Variants in IL2RA observed in about 807,000 individuals in gnomAD.
The protein encoded by IL2RA is interleukin-2 receptor subunit alpha.
In IL2RA, 24 loss-of-function variants were observed where a neutral mutation model predicts 37.8. That is an observed-to-expected ratio of 0.63 (90% CI 0.46 to 0.89). IL2RA has a LOEUF of 0.89. Ranked by LOEUF, IL2RA falls within the 40% of genes least tolerant of loss-of-function variation. IL2RA has a pLI of 0.00. For missense variants in IL2RA, 319 were observed against 348.6 expected, an observed-to-expected ratio of 0.92 and a Z score of 0.68; for synonymous variants, 125 against 114.6, an observed-to-expected ratio of 1.09 and a Z score of -0.58.
chr10:6,043,414 A>G (rs187923797), intron 1 of IL2RA, among the ~76,000 whole-genome samples: 1 of 151,964 alleles, frequency 6.6e-6, no homozygotes, highest in Admixed American at 6.6e-5. Context: ...TATCTACAGC[A>G]TGTATTTATT....
chr10:6,039,837 C>T (rs186217630), intron 1 of IL2RA: 1 of 152,342 alleles, frequency 6.6e-6, no homozygotes, highest in African/African-American at 2.4e-5. Context: ...GCTGATATGT[C>T]CTTTTAGGCC....
Position 6,054,288 on chromosome 10 carries a change from G to A in IL2RA, c.64+7800C>T, listed in dbSNP as rs901347782. 2.0e-5 allele frequency among the ~76,000 whole-genome samples: 3 copies of A among 152,146 alleles called. No homozygotes were observed. Among genetic ancestry groups the A allele is most frequent in the Admixed American group, 6.5e-5 (1 of 15,276 alleles). On this transcript the variant is annotated intron_variant, in intron 1 of 7. Coordinates refer to ENST00000379959, the MANE Select transcript of IL2RA (RefSeq NM_000417.3). This position sits in a 1 kb window ranked among gnomAD's most constrained non-coding sequence, Gnocchi z 4.5. ...CAGCCCTGTGGTGTGCACGTGGCTC[G>A]GGCTGGGTCAGGAAAAAAATGTGGA...
At position 6,020,890 on chromosome 10, in the gene IL2RA, C is replaced by A. The variant is rs1254423315; in HGVS notation, c.583+588G>T. 6.6e-6 allele frequency among the ~76,000 whole-genome samples: 1 copy of A among 152,002 alleles called. No homozygotes were observed. The highest frequency in any genetic ancestry group is 1.5e-5 in the Non-Finnish European group (1 of 68,020). On this transcript the variant is annotated intron_variant, in intron 4 of 7. Transcript: ENST00000379959. The surrounding 1 kb of genome is among the most constrained non-coding windows in gnomAD (Gnocchi z 5.6). Reference sequence around the variant, plus strand: ...TAATAAGATTTCAGAAGGAAGACAGCAGGAGACCTCGACATCGGTGGGCTG... The same window carrying A: ...TAATAAGATTTCAGAAGGAAGACAGAAGGAGACCTCGACATCGGTGGGCTG...
chr10:6,035,821 A>T lies in IL2RA; in HGVS notation c.65-9796T>A, dbSNP rs555530210. 6.6e-6 allele frequency: 1 copy of T among 152,358 alleles called. No homozygotes were observed. The highest frequency in any genetic ancestry group is 2.1e-4 in the South Asian group (1 of 4,822). The allele number at this position is 152,358 out of a possible 1,614,324, so 9.4% of individuals were successfully genotyped here. A position where few individuals can be genotyped will look rare whatever the true frequency, so the allele number is the denominator to read the frequency against. ...CCGTTGGAGTTTGCTGTGGATGCTC[A>T]TTAGACAGACATGGGCAGAATCCCA... is the stretch of plus-strand genomic sequence containing the variant. On this transcript the variant is annotated intron_variant, in intron 1 of 7. Transcript: ENST00000379959. The surrounding 1 kb of genome is among the most constrained non-coding windows in gnomAD (Gnocchi z 5.4).
intron 1 of IL2RA, among the ~76,000 whole-genome samples, chr10:6,060,268 T>G (rs1840103287): frequency 6.6e-6 from 1 of 151,912 alleles, no homozygotes; most frequent in Non-Finnish European, 1.5e-5. Flanking sequence ...GGGGAAAGGG[T>G]GCGAGGTGGG....
intron 1 of IL2RA, among the ~76,000 whole-genome samples, chr10:6,041,423 C>T (rs1839770928): frequency 2.0e-5 from 3 of 151,862 alleles, no homozygotes; most frequent in African/African-American, 7.3e-5. Flanking sequence ...CCAATGGTGA[C>T]TTAATTCTAA....
chr10:6,054,373 G>A lies in IL2RA; in HGVS notation c.64+7715C>T, dbSNP rs1021261095. On this transcript the variant is annotated intron_variant, in intron 1 of 7. Coordinates refer to ENST00000379959, the MANE Select transcript of IL2RA (RefSeq NM_000417.3). This position sits in a 1 kb window ranked among gnomAD's most constrained non-coding sequence, Gnocchi z 4.5. ...CCATCCAGGGTCATGTGGTGCTGGT[G>A]ATAAGTGATCAGTGACCCATTGAAC... Among the ~76,000 whole-genome samples, 12 of 152,220 alleles carry A rather than the reference G, an allele frequency of 7.9e-5. No individual in the cohort carries two copies. The highest frequency in any genetic ancestry group is 2.7e-4 in the African/African-American group (11 of 41,464).
intron 1 of IL2RA, among the ~76,000 whole-genome samples, chr10:6,050,229 A>G (rs1037032462): frequency 1.3e-5 from 2 of 152,216 alleles, no homozygotes; most frequent in Admixed American, 1.3e-4. Context: ...GTGCCTGTTG[A>G]CAGCTTGCTT....
At position 6,053,387 on chromosome 10, in the gene IL2RA, G is replaced by A. The variant is rs1463279238; in HGVS notation, c.64+8701C>T. On this transcript the variant is annotated intron_variant, in intron 1 of 7. Transcript: ENST00000379959. ...GTCTGAACATAATACCTGAAAGATA[G>A]CATTTAGGCAATGGATATTCACTGT... Among the ~76,000 whole-genome samples the A allele has an allele frequency of 4.6e-5, 7 of 152,312 alleles. No homozygotes were observed. In the South Asian group the frequency reaches 8.3e-4, roughly 18 times the overall value.
At position 6,021,199 on chromosome 10, in the gene IL2RA, T is replaced by C. The variant is rs1412368992; in HGVS notation, c.583+279A>G. ...TTAGGACCAACTACGAGGCAGCATCTAGGGTGCTTAGGAGAGGGCTTTCCT... is the reference window on the plus strand; with the variant it reads ...TTAGGACCAACTACGAGGCAGCATCCAGGGTGCTTAGGAGAGGGCTTTCCT... On this transcript the variant is annotated intron_variant, in intron 4 of 7. Transcript: ENST00000379959. The surrounding 1 kb of genome is among the most constrained non-coding windows in gnomAD (Gnocchi z 4.9). Among the ~76,000 whole-genome samples the C allele has an allele frequency of 6.6e-6, 1 of 152,132 alleles. No homozygotes were observed. Among genetic ancestry groups the C allele is most frequent in the Non-Finnish European group, 1.5e-5 (1 of 68,014 alleles).
chr10:6,045,193 T>C (rs1363344526), intron 1 of IL2RA, among the ~76,000 whole-genome samples: 1 of 152,202 alleles, frequency 6.6e-6, no homozygotes, highest in Non-Finnish European at 1.5e-5. Flanking sequence ...GACCCACAGT[T>C]TCTGAGGCCT....
intron 1 of IL2RA, among the ~76,000 whole-genome samples, chr10:6,038,468 C>T (rs1218489192): frequency 1.3e-5 from 2 of 152,172 alleles, no homozygotes; most frequent in Non-Finnish European, 2.9e-5. Context: ...CTCACCATGG[C>T]TCTGGAAGGT....
chr10:6,053,974 A>T (rs192713899), intron 1 of IL2RA, among the ~76,000 whole-genome samples: 115 of 152,314 alleles, frequency 7.6e-4, no homozygotes, highest in African/African-American at 2.7e-3. Flanking sequence ...ACCTTCCACC[A>T]TGGGGCAGGC....
Position 6,054,490 on chromosome 10 carries a change from AG to A in IL2RA, c.64+7597del, listed in dbSNP as rs1476490521. ...CTCACATGCTGTCTGTCTGAGCAAAAGTATTCGTTTTTGTCCGAGAATCTGA... is the reference window on the plus strand; with the variant it reads ...CTCACATGCTGTCTGTCTGAGCAAAATATTCGTTTTTGTCCGAGAATCTGA... On this transcript the variant is annotated intron_variant, in intron 1 of 7. Coordinates refer to ENST00000379959, the MANE Select transcript of IL2RA (RefSeq NM_000417.3). This position sits in a 1 kb window ranked among gnomAD's most constrained non-coding sequence, Gnocchi z 4.5. 2.0e-5 allele frequency among the ~76,000 whole-genome samples: 3 copies of A among 152,184 alleles called. No homozygotes were observed. The highest frequency in any genetic ancestry group is 6.5e-5 in the Admixed American group (1 of 15,280).
rs1216244112 is a variant in IL2RA, at chr10:6,018,448, G to A, written c.728-329C>T. Among the ~76,000 whole-genome samples the A allele has an allele frequency of 6.6e-6, 1 of 152,126 alleles. No homozygotes were observed. The highest frequency in any genetic ancestry group is 1.5e-5 in the Non-Finnish European group (1 of 68,018). On this transcript the variant is annotated intron_variant, in intron 6 of 7. Coordinates refer to ENST00000379959, the MANE Select transcript of IL2RA (RefSeq NM_000417.3). This position sits in a 1 kb window ranked among gnomAD's most constrained non-coding sequence, Gnocchi z 5.1. Reference sequence around the variant, plus strand: ...AAAAGAAATGTTGAAATATGAAGATGATGAGAAGCACATTAACATCTCCTG... The same window carrying A: ...AAAAGAAATGTTGAAATATGAAGATAATGAGAAGCACATTAACATCTCCTG...
intron 1 of IL2RA, among the ~76,000 whole-genome samples, chr10:6,031,375 T>C (rs530207371): frequency 6.7e-6 from 1 of 148,352 alleles, no homozygotes; most frequent in African/African-American, 2.5e-5. Flanking sequence ...GATAACATGA[T>C]TGTTTACATA....
rs943227138 is a variant in IL2RA at position 6,046,357 on chromosome 10, A to C, written c.64+15731T>G. On this transcript the variant is annotated intron_variant, in intron 1 of 7. Coordinates refer to ENST00000379959, the MANE Select transcript of IL2RA (RefSeq NM_000417.3). This position sits in a 1 kb window ranked among gnomAD's most constrained non-coding sequence, Gnocchi z 4.8. ...TGCTAGTCTACTGTGATTTTGCTTA[A>C]GAAGGGTTCAGTAGAGACAAACAGC... Among the ~76,000 whole-genome samples the C allele has an allele frequency of 1.2e-4, 19 of 152,330 alleles. No homozygotes were observed. The highest frequency in any genetic ancestry group is 3.4e-3 in the Middle Eastern group (1 of 294).
rs147981607 is a variant in IL2RA, at chr10:6,022,386, G to T, written c.368-693C>A. 6.6e-6 allele frequency among the ~76,000 whole-genome samples: 1 copy of T among 152,180 alleles called. No individual in the cohort carries two copies. Among genetic ancestry groups the T allele is most frequent in the African/African-American group, 2.4e-5 (1 of 41,430 alleles). On this transcript the variant is annotated intron_variant, in intron 3 of 7. Coordinates refer to ENST00000379959, the MANE Select transcript of IL2RA (RefSeq NM_000417.3). The surrounding 1 kb of genome is among the most constrained non-coding windows in gnomAD (Gnocchi z 4.7). ...TTCCACTCACCCAACTACATCCCAG[G>T]CCTGACGGACCTGTGGCCTGAGACC...
At chr10:6,023,250 A>C (rs933834445) in intron 3 of IL2RA, among the ~76,000 whole-genome samples, 16 of 152,226 alleles carry the variant, frequency 1.1e-4, no homozygotes, top group Non-Finnish European at 4.4e-5. Flanking sequence ...TAAAATCAGC[A>C]AAGGGCTCTG....
Sources: allele counts gnomAD v4.1 joint callset (sites outside exome capture counted in the v4.1 genomes callset), GRCh38; gene constraint gnomAD v4.1.1; non-coding constraint Gnocchi (gnomAD v3.1); transcripts MANE v1.5; gene names NCBI Gene and HGNC (gene_info 2026-07-23, HGNC 2026-07-21).